The following CLDN16 variants were observed in gnomAD, a reference collection of about 807,000 sequenced individuals.
CLDN16 encodes claudin-16.
Under a neutral mutation model 24.6 loss-of-function variants are expected in CLDN16, and 13 were observed. That is an observed-to-expected ratio of 0.53 (90% CI 0.34 to 0.84). The LOEUF is 0.84. Ranked by LOEUF, CLDN16 falls within the 40% of genes least tolerant of loss-of-function variation. CLDN16 has a pLI of 0.01. For synonymous variants in CLDN16, 116 were observed against 106.7 expected (o/e 1.09, Z -0.54); for missense variants, 298 against 292.7 (o/e 1.02, Z -0.13).
intron 1 of CLDN16, among the ~76,000 whole-genome samples, chr3:190,326,907 C>T (rs1183090028): frequency 6.6e-6 from 1 of 152,168 alleles, no homozygotes; most frequent in Non-Finnish European, 1.5e-5. Context: ...CTTAGAGATA[C>T]TAGAAACATT....
chr3:190,341,582 A>AG (rs1717436470), intron 1 of CLDN16, among the ~76,000 whole-genome samples: 1 of 152,118 alleles, frequency 6.6e-6, no homozygotes, highest in South Asian at 2.1e-4. Context: ...CTGTGATGGG[A>AG]GGGGCTGCCA....
At chr3:190,370,839 A>C (rs978410324) in intron 1 of CLDN16, 1 of 151,674 alleles carries the variant, frequency 6.6e-6, no homozygotes, top group Non-Finnish European at 1.5e-5. Context: ...GCAGAAAAAT[A>C]TGAAAAGGCT....
At position 190,388,300 on chromosome 3, in the gene CLDN16, T is replaced by C; in HGVS notation, c.-30T>C. ...TGGGGCCAGGGCTGGTGTCTGCCCATGTTGCCATCCTGATGGGCTGCTTGC... is the reference window on the plus strand; with the variant it reads ...TGGGGCCAGGGCTGGTGTCTGCCCACGTTGCCATCCTGATGGGCTGCTTGC... On this transcript the variant is annotated 5_prime_UTR_variant, in exon 1 of 5. An upstream start codon of the reference 5' UTR is lost. Transcript: ENST00000264734. 1 of 1,614,144 alleles carries C rather than the reference T, an allele frequency of 6.2e-7. No individual in the cohort carries two copies. Among genetic ancestry groups the C allele is most frequent in the Non-Finnish European group, 8.5e-7 (1 of 1,180,014 alleles).
At chr3:190,341,121 G>A (rs573133474) in intron 1 of CLDN16, among the ~76,000 whole-genome samples, 3 of 152,266 alleles carry the variant, frequency 2.0e-5, no homozygotes, top group Admixed American at 6.5e-5. Flanking sequence ...AGTGCAAGCC[G>A]TCAGTGGATC....
intron 1 of CLDN16, among the ~76,000 whole-genome samples, chr3:190,333,188 A>G (rs1182859866): frequency 6.6e-6 from 1 of 152,162 alleles, no homozygotes; most frequent in Non-Finnish European, 1.5e-5. Context: ...GAGTGAGACA[A>G]AGGAATTTTC....
At chr3:190,376,054 A>G (rs1718242450) in intron 3 of CLDN16, among the ~76,000 whole-genome samples, 1 of 151,872 alleles carries the variant, frequency 6.6e-6, no homozygotes, top group Non-Finnish European at 1.5e-5. Flanking sequence ...AGGTACTACT[A>G]GGTATAGCTT....
chr3:190,391,763 C>T (rs990819230), intron 1 of CLDN16, among the ~76,000 whole-genome samples: 4 of 152,126 alleles, frequency 2.6e-5, no homozygotes, highest in Admixed American at 1.3e-4. Context: ...TGAAGTTCTT[C>T]GTATTAGGTA....
upstream of CLDN16, among the ~76,000 whole-genome samples, chr3:190,319,409 A>C (rs185245925): frequency 2.1e-3 from 326 of 152,312 alleles, no homozygotes; most frequent in Middle Eastern, 3.4e-3. Context: ...GAAGTGCCTC[A>C]GTTACATTTT....
At chr3:190,384,569 G>A (rs1487370876), upstream of CLDN16, among the ~76,000 whole-genome samples, 1 of 152,188 alleles carries the variant, frequency 6.6e-6, no homozygotes, top group African/African-American at 2.4e-5. Context: ...GGTGCATAAT[G>A]AATTGACCAA....
rs780658485 is a variant in CLDN16, at chr3:190,402,443, C to T, written c.217+4C>T. On this transcript the variant is annotated splice_donor_region_variant and intron_variant, in intron 2 of 4. Coordinates refer to ENST00000264734, the MANE Select transcript of CLDN16 (RefSeq NM_006580.4). ...TCCATACTTGCGGAGCATCCCTGTA[C>T]GTATGCCTTAGAGCTCACTGCTTGC... is the stretch of plus-strand genomic sequence containing the variant. 43 of 1,602,526 alleles carry T rather than the reference C, an allele frequency of 2.7e-5. No individual in the cohort carries two copies. The South Asian group carries it at 2.8e-4, about 10-fold the overall frequency.
Position 190,356,046 on chromosome 3 carries a change from T to TAATTTCCTCTTGA in CLDN16, n.122-14842_122-14830dup, listed in dbSNP as rs557596105. ...GGTCCAGTTCAGATTTAGTGACTCT[T>TAATTTCCTCTTGA]AATTTCCTCTTGAAATTCAGGGTGA... On this transcript the variant is annotated intron_variant and non_coding_transcript_variant, in intron 1 of 4. Transcript: ENST00000468220. Among the ~76,000 whole-genome samples the TAATTTCCTCTTGA allele has an allele frequency of 1.6e-3, 247 of 151,918 alleles. 2 individuals carry two copies. Among genetic ancestry groups the TAATTTCCTCTTGA allele is most frequent in the African/African-American group, 4.8e-3 (200 of 41,526 alleles).
intron 3 of CLDN16, among the ~76,000 whole-genome samples, chr3:190,406,208 C>T (rs1055387294): frequency 6.6e-6 from 1 of 152,164 alleles, no homozygotes; most frequent in Non-Finnish European, 1.5e-5. Context: ...ACTTGGGCCT[C>T]CCTGACTTTT....
the CLDN16 span, among the ~76,000 whole-genome samples, chr3:190,291,901 GTC>G: frequency 1.3e-5 from 2 of 152,162 alleles, no homozygotes; most frequent in African/African-American, 4.8e-5. Flanking sequence ...TTGACTCCAT[GTC>G]TCACGTCCAG....
chr3:190,388,248 A>C lies in CLDN16; in HGVS notation c.-82A>C, dbSNP rs756048104. 3.1e-6 allele frequency: 5 copies of C among 1,613,720 alleles called. No homozygotes were observed. Among genetic ancestry groups the C allele is most frequent in the Non-Finnish European group, 4.2e-6 (5 of 1,179,868 alleles). On this transcript the variant is annotated 5_prime_UTR_variant, in exon 1 of 5. Transcript: ENST00000264734. Reference sequence around the variant, plus strand: ...TTTCACATTGCCAGGTACCAGAAACACAGAAGACTGACACCCGCCACTTAA... The same window carrying C: ...TTTCACATTGCCAGGTACCAGAAACCCAGAAGACTGACACCCGCCACTTAA...
At chr3:190,367,799 G>T (rs992968056) in intron 1 of CLDN16, among the ~76,000 whole-genome samples, 2 of 151,948 alleles carry the variant, frequency 1.3e-5, no homozygotes, top group Non-Finnish European at 2.9e-5. Context: ...GCAAGGTGGA[G>T]TCAGAAACAA....
chr3:190,313,258 C>A, the CLDN16 span: 2 of 550,038 alleles, frequency 3.6e-6, no homozygotes, highest in African/African-American at 1.9e-5. Flanking sequence ...TCCCTCCACT[C>A]CAATATTTTA....
chr3:190,371,032 A>ATATATATAAAATATATATG (rs1718130043), intron 2 of CLDN16: 3 of 144,096 alleles, frequency 2.1e-5, no homozygotes, highest in African/African-American at 7.6e-5. Context: ...ATATATATAT[A>ATATATATAAAATATATATG]TATATATAAA....
intron 1 of CLDN16, among the ~76,000 whole-genome samples, chr3:190,361,451 A>G (rs1036010518): frequency 1.4e-4 from 21 of 151,978 alleles, no homozygotes; most frequent in Non-Finnish European, 1.9e-4. Context: ...TTGACTCTGA[A>G]ACAAAATTGA....
At chr3:190,320,589 G>A (rs1716892770), upstream of CLDN16, among the ~76,000 whole-genome samples, 1 of 152,180 alleles carries the variant, frequency 6.6e-6, no homozygotes, top group Non-Finnish European at 1.5e-5. Flanking sequence ...CACATTGACT[G>A]AGCAAATGCC....
Sources: gnomAD v4.1 joint callset for allele counts (sites outside exome capture counted in the v4.1 genomes callset) on GRCh38, gnomAD v4.1.1 for gene constraint, MANE v1.5 for transcripts, NCBI Gene and HGNC (gene_info 2026-07-23, HGNC 2026-07-21) for gene names.